The following SLC22A3 variants were observed in gnomAD, a reference collection of about 807,000 sequenced individuals.
SLC22A3 encodes solute carrier family 22 member 3, also known as EMT organic cation transporter 3.
In SLC22A3, 51 loss-of-function variants were observed where a neutral mutation model predicts 59.1. That is an observed-to-expected ratio of 0.86 (90% CI 0.69 to 1.09). The LOEUF (loss-of-function observed/expected upper bound fraction) is 1.09. SLC22A3 is among the 50% of genes least tolerant of loss of function. The pLI, the probability that SLC22A3 is intolerant of heterozygous loss-of-function variation, is 0.00. For missense variants in SLC22A3, 711 were observed against 726.3 expected, an observed-to-expected ratio of 0.98 and a Z score of 0.24; for synonymous variants, 325 against 292.0, an observed-to-expected ratio of 1.11 and a Z score of -1.15.
chr6:160,355,803 AC>A (rs1178382787), intron 1 of SLC22A3, among the ~76,000 whole-genome samples: 2 of 151,718 alleles, frequency 1.3e-5, no homozygotes, highest in East Asian at 3.9e-4. Flanking sequence ...ACAACAAAAA[AC>A]TTGTCTTTTC....
chr6:160,349,628 G>A (rs760218072), intron 1 of SLC22A3, among the ~76,000 whole-genome samples: 2 of 152,200 alleles, frequency 1.3e-5, no homozygotes, highest in Non-Finnish European at 2.9e-5. Flanking sequence ...GCATTTGGAA[G>A]TTAGGGGAGC....
chr6:160,358,181 G>A (rs79907881), intron 1 of SLC22A3, among the ~76,000 whole-genome samples: 1 of 152,212 alleles, frequency 6.6e-6, no homozygotes, highest in African/African-American at 2.4e-5. Context: ...AGGTGGCTAA[G>A]AACGTAGACT....
Position 160,348,637 on chromosome 6 carries a change from G to A in SLC22A3, c.218G>A (p.Arg73His), listed in dbSNP as rs976418530. The change falls in exon 1 of 11, where the codon CGC (arginine) becomes CAC (histidine). Residue 73 changes from arginine (R) to histidine (H), a missense_variant. Physicochemically the swap from Arg to His is conservative, Grantham distance 29. Coordinates refer to ENST00000275300, the MANE Select transcript of SLC22A3 (RefSeq NM_021977.4). Reference protein sequence around the residue: ...CGWSPEEEWNRTAPASRGPEP... With the variant: ...CGWSPEEEWNHTAPASRGPEP... Reference sequence around the variant, plus strand: ...TGGAGCCCGGAGGAGGAGTGGAACCGCACGGCGCCCGCCTCCCGCGGCCCA... The same window carrying A: ...TGGAGCCCGGAGGAGGAGTGGAACCACACGGCGCCCGCCTCCCGCGGCCCA... 2.7e-6 allele frequency: 4 copies of A among 1,503,696 alleles called. No individual in the cohort carries two copies. The South Asian group carries it at 4.9e-5, about 19-fold the overall frequency. 93.1% of individuals were successfully genotyped at this position (1,503,696 alleles called of 1,614,324 possible).
intron 10 of SLC22A3, among the ~76,000 whole-genome samples, chr6:160,449,809 GACATC>G (rs1788882699): frequency 6.6e-6 from 1 of 152,182 alleles, no homozygotes; most frequent in Non-Finnish European, 1.5e-5. Flanking sequence ...CGCTGGGGGT[GACATC>G]ACATATCGGT....
intron 1 of SLC22A3, among the ~76,000 whole-genome samples, chr6:160,355,761 G>C (rs1784816847): frequency 6.6e-6 from 1 of 151,360 alleles, no homozygotes; most frequent in Non-Finnish European, 1.5e-5. Flanking sequence ...GACAGTTAGA[G>C]ACTCTGTCTC....
chr6:160,403,713 T>C (rs529189581), intron 2 of SLC22A3, among the ~76,000 whole-genome samples: 27 of 151,914 alleles, frequency 1.8e-4, no homozygotes, highest in Non-Finnish European at 3.2e-4. Context: ...TACTGTAGCA[T>C]ACCAAGTGCG....
chr6:160,362,704 G>A (rs529659540), intron 1 of SLC22A3, among the ~76,000 whole-genome samples: 29 of 152,334 alleles, frequency 1.9e-4, no homozygotes, highest in Admixed American at 6.5e-4. Context: ...GGGGAGAGGA[G>A]GAAGACTGTG....
At chr6:160,369,425 A>G (rs895979910) in intron 1 of SLC22A3, among the ~76,000 whole-genome samples, 2 of 152,212 alleles carry the variant, frequency 1.3e-5, no homozygotes, top group Non-Finnish European at 2.9e-5. Flanking sequence ...TAGCACTTCC[A>G]GTGATGCCTG....
At chr6:160,428,633 CTT>C (rs1788046808) in intron 5 of SLC22A3, among the ~76,000 whole-genome samples, 1 of 152,150 alleles carries the variant, frequency 6.6e-6, no homozygotes, top group Non-Finnish European at 1.5e-5. Flanking sequence ...CCCTGTTTCT[CTT>C]TATGTTTTTT....
intron 8 of SLC22A3, among the ~76,000 whole-genome samples, chr6:160,443,313 A>T (rs1270213077): frequency 6.6e-6 from 1 of 152,212 alleles, no homozygotes; most frequent in Non-Finnish European, 1.5e-5. Context: ...TCCTCTGCTG[A>T]GGAAGCATTC....
intron 1 of SLC22A3, among the ~76,000 whole-genome samples, chr6:160,393,371 G>A (rs1232724152): frequency 1.3e-5 from 2 of 151,936 alleles, no homozygotes; most frequent in African/African-American, 4.8e-5. Flanking sequence ...CATGTGCCAT[G>A]TTGGTGTGCT....
At chr6:160,391,606 C>T (rs992724778) in intron 1 of SLC22A3, among the ~76,000 whole-genome samples, 4 of 152,184 alleles carry the variant, frequency 2.6e-5, no homozygotes, top group Non-Finnish European at 4.4e-5. Context: ...AACTAGGACT[C>T]GTCTTTGCCA....
intron 1 of SLC22A3, among the ~76,000 whole-genome samples, chr6:160,395,503 C>T (rs904500118): frequency 1.2e-4 from 18 of 152,140 alleles, no homozygotes; most frequent in Non-Finnish European, 1.3e-4. Context: ...AGTTTGATTT[C>T]GCTGTTTGCT....
intron 1 of SLC22A3, among the ~76,000 whole-genome samples, chr6:160,361,204 A>G (rs1435013024): frequency 2.6e-5 from 4 of 152,238 alleles, no homozygotes; most frequent in Admixed American, 6.5e-5. Flanking sequence ...CTCATCAGAT[A>G]TGGAGAATGA....
At chr6:160,445,849 ATT>A (rs1341916443) in intron 9 of SLC22A3, among the ~76,000 whole-genome samples, 1 of 152,180 alleles carries the variant, frequency 6.6e-6, no homozygotes, top group East Asian at 1.9e-4. Flanking sequence ...GCTGTGCATA[ATT>A]TGAGGCACCT....
intron 1 of SLC22A3, among the ~76,000 whole-genome samples, chr6:160,369,573 T>C (rs1785326466): frequency 6.6e-6 from 1 of 152,240 alleles, no homozygotes; most frequent in African/African-American, 2.4e-5. Flanking sequence ...CTTGTAAATT[T>C]ACTGGAAGTT....
Position 160,442,796 on chromosome 6 carries a change from G to C in SLC22A3, c.1324G>C (p.Gly442Arg), listed in dbSNP as rs748144815. 2.5e-5 allele frequency: 41 copies of C among 1,613,920 alleles called. No homozygotes were observed. Among genetic ancestry groups the C allele is most frequent in the Admixed American group, 3.3e-5 (2 of 60,006 alleles). ...GTTGAGGACCACAGTGGCTACATTG[G>C]GAAGACTAGGGATAACCATGGCCTT... Reference protein sequence around the residue: ...AWLRTTVATLGRLGITMAFEI... With the variant: ...AWLRTTVATLRRLGITMAFEI... Residue 442 changes from glycine (G) to arginine (R), a missense_variant, in exon 8 of 11, where the codon GGA becomes CGA. Physicochemically the swap from Gly to Arg is moderately radical, Grantham distance 125 (BLOSUM62 -2). Coordinates refer to ENST00000275300, the MANE Select transcript of SLC22A3 (RefSeq NM_021977.4).
intron 2 of SLC22A3, among the ~76,000 whole-genome samples, chr6:160,405,268 A>G (rs1247778842): frequency 6.6e-6 from 1 of 152,148 alleles, no homozygotes; most frequent in Non-Finnish European, 1.5e-5. Flanking sequence ...TAGCTCACCA[A>G]AGAGAGTATA....
intron 5 of SLC22A3, among the ~76,000 whole-genome samples, chr6:160,424,785 A>G (rs1362237392): frequency 2.6e-5 from 4 of 152,224 alleles, no homozygotes; most frequent in Non-Finnish European, 4.4e-5. Context: ...GAGCCAACAC[A>G]TGACAAATAG....
Sources: gnomAD v4.1 joint callset for allele counts (sites outside exome capture counted in the v4.1 genomes callset) on GRCh38, gnomAD v4.1.1 for gene constraint, MANE v1.5 for transcripts, NCBI Gene and HGNC (gene_info 2026-07-23, HGNC 2026-07-21) for gene names.